The following CHD1L variants were observed in gnomAD, a reference collection of about 807,000 sequenced individuals.
CHD1L encodes chromodomain helicase DNA binding protein 1 like, also known as ATP-dependent chromatin remodeler CHD1L.
In CHD1L, 118 loss-of-function variants were observed where a neutral mutation model predicts 115.9. The observed-to-expected ratio is 1.02, with a 90% CI of 0.88 to 1.19. The LOEUF is 1.19. CHD1L is among the 50% of genes most tolerant of loss of function. The pLI, the probability that CHD1L is intolerant of heterozygous loss-of-function variation, is 0.00. For synonymous variants in CHD1L, 411 were observed against 387.1 expected (o/e 1.06, Z -0.72); for missense variants, 1,179 against 1,065.3 (o/e 1.11, Z -1.49).
chr1:147,221,984 T>C, the CHD1L span, among the ~76,000 whole-genome samples: 2 of 152,170 alleles, frequency 1.3e-5, no homozygotes, highest in African/African-American at 4.8e-5. Flanking sequence ...TTTTCTACCA[T>C]TGATGAATAA....
chr1:147,274,427 G>T (rs1038370961), intron 12 of CHD1L, among the ~76,000 whole-genome samples: 9 of 152,240 alleles, frequency 5.9e-5, no homozygotes, highest in South Asian at 4.1e-4. Context: ...ATTCCTGCCT[G>T]ATTTGTCTGG....
intron 1 of CHD1L, 43 bp downstream of exon 1, chr1:147,242,873 A>G: frequency 1.6e-6 from 2 of 1,256,318 alleles, no homozygotes; most frequent in Non-Finnish European, 2.0e-6. Flanking sequence ...GGGCCAACCT[A>G]TTGGGACTGC....
intron 21 of CHD1L, among the ~76,000 whole-genome samples, chr1:147,294,061 A>G (rs1349481097): frequency 6.6e-6 from 1 of 152,206 alleles, no homozygotes; most frequent in Non-Finnish European, 1.5e-5. Context: ...ACAGTTCCCA[A>G]TAACAGACAG....
chr1:147,268,738 C>G (rs1674946804), intron 9 of CHD1L, 44 bp from the exon 10 acceptor site: 5 of 1,534,896 alleles, frequency 3.3e-6, no homozygotes, highest in Non-Finnish European at 3.6e-6. Flanking sequence ...GGCTTCTGCC[C>G]TTACTGAGGG....
chr1:147,204,194 T>C, the CHD1L span: 9 of 1,368,208 alleles, frequency 6.6e-6, no homozygotes, highest in African/African-American at 1.1e-4. Context: ...TATCATGCCA[T>C]CAAAAGGACA....
intron 6 of CHD1L, among the ~76,000 whole-genome samples, chr1:147,264,189 G>A (rs1553946219): frequency 6.6e-6 from 1 of 152,116 alleles, no homozygotes; most frequent in Non-Finnish European, 1.5e-5. Context: ...CCTTATATAA[G>A]TGTTTTCTTC....
intron 15 of CHD1L, among the ~76,000 whole-genome samples, chr1:147,281,847 A>T (rs935309508): frequency 2.0e-5 from 3 of 152,090 alleles, no homozygotes; most frequent in Non-Finnish European, 4.4e-5. Flanking sequence ...AATTGTATTT[A>T]TCATGTACAA....
At chr1:147,177,593 C>T in the CHD1L span, among the ~76,000 whole-genome samples, 15 of 152,126 alleles carry the variant, frequency 9.9e-5, no homozygotes, top group African/African-American at 3.1e-4. Flanking sequence ...TGGCATGTAA[C>T]CTTGATATGA....
chr1:147,239,583 ACTGCCTCCTTC>A (rs1266970559), upstream of CHD1L, among the ~76,000 whole-genome samples: 1 of 152,098 alleles, frequency 6.6e-6, no homozygotes, highest in African/African-American at 2.4e-5. Context: ...TAGTTTCCAA[ACTGCCTCCTTC>A]CTTCCATCCT....
chr1:147,176,840 GT>G, the CHD1L span, among the ~76,000 whole-genome samples: 1 of 152,050 alleles, frequency 6.6e-6, no homozygotes, highest in South Asian at 2.1e-4. Context: ...TTTCTCATCT[GT>G]AAAATGAGAG....
the CHD1L span, chr1:147,179,086 G>C: frequency 6.2e-7 from 1 of 1,613,956 alleles, no homozygotes; most frequent in South Asian, 1.1e-5. Flanking sequence ...AGAGATTCCT[G>C]TTGTTGCTAT....
intron 14 of CHD1L, among the ~76,000 whole-genome samples, chr1:147,277,300 C>T (rs1463042451): frequency 6.6e-6 from 1 of 152,068 alleles, no homozygotes; most frequent in Non-Finnish European, 1.5e-5. Context: ...CATCAAAAAA[C>T]ATAAGTGTTT....
chr1:147,275,351 CA>C lies in CHD1L; in HGVS notation c.1271-2del. 1.2e-6 allele frequency: 2 copies of C among 1,608,256 alleles called. No homozygotes were observed. Among genetic ancestry groups the C allele is most frequent in the Non-Finnish European group, 8.5e-7 (1 of 1,174,726 alleles). ...ATTACATTCCTTTTTGCATTGTTTT[CA>C]GGTGGAGTTGGCATGAACTTAACAG... On this transcript the variant is annotated splice_acceptor_variant, in intron 12 of 22. Coordinates refer to ENST00000369258, the MANE Select transcript of CHD1L (RefSeq NM_004284.6). LOFTEE classifies it high-confidence loss of function.
the CHD1L span, among the ~76,000 whole-genome samples, chr1:147,200,963 G>A: frequency 1.3e-5 from 2 of 152,138 alleles, no homozygotes; most frequent in Non-Finnish European, 2.9e-5. Flanking sequence ...AAATTTCCCA[G>A]GTATGATGTA....
intron 6 of CHD1L, among the ~76,000 whole-genome samples, chr1:147,263,987 TGC>T (rs1553946063): frequency 2.6e-5 from 4 of 152,324 alleles, no homozygotes; most frequent in African/African-American, 7.2e-5. Context: ...ACTTATTGCT[TGC>T]AGTGGTGGGG....
intron 14 of CHD1L, 67 bp downstream of exon 14, chr1:147,276,324 T>A: frequency 1.3e-6 from 2 of 1,522,174 alleles, no homozygotes; most frequent in East Asian, 2.3e-5. Flanking sequence ...AGAATGTAAA[T>A]GAAAAGAACC....
At chr1:147,254,781 T>C in intron 2 of CHD1L, 89 bp from the exon 3 acceptor site, 1 of 761,792 alleles carries the variant, frequency 1.3e-6, no homozygotes, top group Non-Finnish European at 2.1e-6. Context: ...TAAACAAGAG[T>C]GTGTGTTCCC....
intron 15 of CHD1L, among the ~76,000 whole-genome samples, chr1:147,281,908 T>C (rs1553962215): frequency 6.6e-6 from 1 of 152,240 alleles, no homozygotes; most frequent in Non-Finnish European, 1.5e-5. Context: ...ATCTAGCTAA[T>C]GAACATACAT....
chr1:147,175,566 A>G, the CHD1L span: 1 of 152,082 alleles, frequency 6.6e-6, no homozygotes, highest in Non-Finnish European at 1.5e-5. Flanking sequence ...TCCTTCATTC[A>G]CACACACTCA....
Sources: gnomAD v4.1 joint callset for allele counts (sites outside exome capture counted in the v4.1 genomes callset) on GRCh38, gnomAD v4.1.1 for gene constraint, MANE v1.5 for transcripts, NCBI Gene and HGNC (gene_info 2026-07-23, HGNC 2026-07-21) for gene names.